The following KCNIP4 variants were observed in gnomAD, a reference collection of about 807,000 sequenced individuals.
KCNIP4 encodes the protein potassium voltage-gated channel interacting protein 4, also known as Kv channel-interacting protein 4.
Under a neutral mutation model 34.0 loss-of-function variants are expected in KCNIP4, and 12 were observed. That is an observed-to-expected ratio of 0.35 (90% CI 0.23 to 0.57). KCNIP4 has a LOEUF of 0.57. KCNIP4 is among the 20% of genes least tolerant of loss of function. KCNIP4 has a pLI of 0.83. For synonymous variants in KCNIP4, 124 were observed against 102.2 expected (o/e 1.21, Z -1.29); for missense variants, 238 against 311.7 (o/e 0.76, Z 1.78).
intron 1 of KCNIP4, among the ~76,000 whole-genome samples, chr4:21,255,631 C>G (rs1761010282): frequency 7.0e-6 from 1 of 142,432 alleles, no homozygotes. Flanking sequence ...CCCTTAGTAT[C>G]TTTACCTTTA....
chr4:21,041,111 T>C (rs1480633058), intron 1 of KCNIP4, among the ~76,000 whole-genome samples: 1 of 152,126 alleles, frequency 6.6e-6, no homozygotes, highest in Non-Finnish European at 1.5e-5. Context: ...GGAATGTATA[T>C]GAATATCTGC....
intron 1 of KCNIP4, among the ~76,000 whole-genome samples, chr4:21,819,116 T>G (rs1305945245): frequency 6.6e-6 from 1 of 152,224 alleles, no homozygotes; most frequent in African/African-American, 2.4e-5. Flanking sequence ...GGAAATTTTT[T>G]TAAAAACAGC....
At chr4:21,427,570 C>T (rs776880776) in intron 1 of KCNIP4, among the ~76,000 whole-genome samples, 11 of 152,176 alleles carry the variant, frequency 7.2e-5, no homozygotes, top group Admixed American at 4.6e-4. Context: ...TCAGCAGAAA[C>T]GCACTCTGAG....
At chr4:21,681,508 C>T (rs903696334) in intron 1 of KCNIP4, among the ~76,000 whole-genome samples, 3 of 152,174 alleles carry the variant, frequency 2.0e-5, no homozygotes, top group Non-Finnish European at 2.9e-5. Flanking sequence ...GCTTCTACAT[C>T]GGCACTTGCT....
intron 1 of KCNIP4, among the ~76,000 whole-genome samples, chr4:21,786,572 C>CT (rs10688809): frequency 0.72 from 102,535 of 142,966 alleles, 39,273 homozygotes; most frequent in Non-Finnish European, 0.84. Context: ...GAGAGTCACT[C>CT]TTTTTTTTTT....
At chr4:20,961,956 A>G (rs1157538422) in intron 1 of KCNIP4, among the ~76,000 whole-genome samples, 1 of 152,182 alleles carries the variant, frequency 6.6e-6, no homozygotes, top group Admixed American at 6.5e-5. Flanking sequence ...GTGATAGCCA[A>G]AGACACCTTT....
At chr4:21,305,399 C>T (rs566607943) in intron 1 of KCNIP4, among the ~76,000 whole-genome samples, 5 of 152,328 alleles carry the variant, frequency 3.3e-5, no homozygotes, top group East Asian at 1.9e-4. Context: ...TAGCTCATCA[C>T]TCTGTTGAGG....
At chr4:21,488,523 T>TGGCTAAAGAATTTA (rs751540310) in intron 1 of KCNIP4, among the ~76,000 whole-genome samples, 68 of 152,126 alleles carry the variant, frequency 4.5e-4, no homozygotes, top group Non-Finnish European at 6.9e-4. Flanking sequence ...TTAAAGAATA[T>TGGCTAAAGAATTTA]GCATATGGCT....
chr4:21,608,567 C>T (rs6448061), intron 1 of KCNIP4, among the ~76,000 whole-genome samples: 104,463 of 152,088 alleles, frequency 0.69, 36,341 homozygotes, highest in East Asian at 0.89. Flanking sequence ...TTTTGAGAAT[C>T]CATGTGATTA....
chr4:21,020,241 A>G (rs567633889), intron 1 of KCNIP4, among the ~76,000 whole-genome samples: 1 of 152,264 alleles, frequency 6.6e-6, no homozygotes, highest in Admixed American at 6.5e-5. Flanking sequence ...ATTTTCTACC[A>G]TATTATCTAA....
chr4:20,961,402 G>T (rs559750368), intron 1 of KCNIP4, among the ~76,000 whole-genome samples: 1 of 152,044 alleles, frequency 6.6e-6, no homozygotes, highest in Non-Finnish European at 1.5e-5. Context: ...GAGTTTAAAA[G>T]AATCTTATGG....
At chr4:20,835,103 C>T (rs373688345) in intron 3 of KCNIP4, among the ~76,000 whole-genome samples, 13 of 152,136 alleles carry the variant, frequency 8.5e-5, no homozygotes, top group Non-Finnish European at 5.9e-5. Flanking sequence ...AATACAGTCA[C>T]CTCTCTGTCC....
At chr4:20,937,055 G>T (rs1049524231) in intron 1 of KCNIP4, among the ~76,000 whole-genome samples, 2 of 151,922 alleles carry the variant, frequency 1.3e-5, no homozygotes, top group African/African-American at 4.8e-5. Context: ...TGAAAGGAAA[G>T]AAGAGGGGTA....
At chr4:21,768,234 C>T (rs1718553283) in intron 1 of KCNIP4, among the ~76,000 whole-genome samples, 1 of 152,028 alleles carries the variant, frequency 6.6e-6, no homozygotes, top group Non-Finnish European at 1.5e-5. Context: ...TGCATCTTAA[C>T]ACAAAAATCA....
chr4:20,877,652 T>G (rs1175815139), intron 2 of KCNIP4, among the ~76,000 whole-genome samples: 1 of 152,196 alleles, frequency 6.6e-6, no homozygotes, highest in Non-Finnish European at 1.5e-5. Context: ...GTGATGACTA[T>G]TTCTTTAAAA....
rs569326896 is a variant in KCNIP4, at chr4:21,519,568, A to G, written c.61+429003T>C. ...TACACATATGTGTGTATGTGTATAT[A>G]TACACATATGTGTGTGTATGTATGT... On this transcript the variant is annotated intron_variant, in intron 1 of 8. Transcript: ENST00000382152. Among the ~76,000 whole-genome samples the G allele has an allele frequency of 1.4e-4, 7 of 49,824 alleles. 1 individual carries two copies. The South Asian group carries it at 3.3e-3, about 23-fold the overall frequency. 32.7% of individuals were successfully genotyped at this position (49,824 alleles called of 152,430 possible). A position where few individuals can be genotyped will look rare whatever the true frequency, so the allele number is the denominator to read the frequency against.
intron 1 of KCNIP4, among the ~76,000 whole-genome samples, chr4:21,464,439 T>G (rs985338842): frequency 1.3e-5 from 2 of 152,092 alleles, no homozygotes; most frequent in Non-Finnish European, 2.9e-5. Flanking sequence ...CTTTCTGGCA[T>G]TTTTCAGACC....
At chr4:20,996,163 TC>T (rs1430089498) in intron 1 of KCNIP4, among the ~76,000 whole-genome samples, 2 of 152,178 alleles carry the variant, frequency 1.3e-5, no homozygotes, top group Non-Finnish European at 2.9e-5. Flanking sequence ...CAAAGTACAT[TC>T]TGTATCTGAC....
intron 1 of KCNIP4, among the ~76,000 whole-genome samples, chr4:21,088,286 C>G (rs1214326907): frequency 6.6e-6 from 1 of 152,066 alleles, no homozygotes; most frequent in African/African-American, 2.4e-5. Flanking sequence ...ACTTTTAAAG[C>G]TAAAATTAAG....
Sources: gnomAD v4.1 joint callset for allele counts (sites outside exome capture counted in the v4.1 genomes callset) on GRCh38, gnomAD v4.1.1 for gene constraint, MANE v1.5 for transcripts, NCBI Gene and HGNC (gene_info 2026-07-23, HGNC 2026-07-21) for gene names.